Variants in GABRQ observed in about 807,000 individuals in gnomAD.
GABRQ encodes the protein gamma-aminobutyric acid type A receptor subunit theta.
Under a neutral mutation model 30.5 loss-of-function variants are expected in GABRQ, and 19 were observed. That is an observed-to-expected ratio of 0.62 (90% CI 0.43 to 0.91). The LOEUF is 0.91. Among genes scored for constraint, GABRQ ranks in the 40% least tolerant of loss-of-function variants. The pLI is 0.00. For synonymous variants in GABRQ, 187 were observed against 210.2 expected (o/e 0.89, Z 0.95); for missense variants, 520 against 521.4 (o/e 1.00, Z 0.03).
chrX:152,646,340 C>T (rs1197271364), intron 3 of GABRQ, among the ~76,000 whole-genome samples: 2 of 112,052 alleles, frequency 1.8e-5, no homozygotes, highest in South Asian at 3.7e-4. Context: ...GCTTGGCTTT[C>T]GGCAGGGATA....
intron 3 of GABRQ, among the ~76,000 whole-genome samples, chrX:152,645,809 A>G (rs1556819129): frequency 1.8e-5 from 2 of 112,666 alleles, no homozygotes; most frequent in Non-Finnish European, 3.7e-5. Flanking sequence ...TGGATTATAG[A>G]CTTAAAAGTG....
chrX:152,651,885 C>T (rs1358976187), intron 8 of GABRQ, 103 bp downstream of exon 8: 8 of 742,959 alleles, frequency 1.1e-5, no homozygotes, highest in Non-Finnish European at 1.4e-5. Flanking sequence ...AATACGCGCA[C>T]CCACACATGC....
intron 2 of GABRQ, among the ~76,000 whole-genome samples, chrX:152,644,820 A>T (rs1413057433): frequency 8.9e-6 from 1 of 112,118 alleles, no homozygotes; most frequent in Non-Finnish European, 1.9e-5. Context: ...TCATATGTAT[A>T]TATGTTCACA....
At chrX:152,638,409 A>G in intron 1 of GABRQ, 58 bp downstream of exon 1, 1 of 1,109,315 alleles carries the variant, frequency 9.0e-7, no homozygotes, top group Non-Finnish European at 1.2e-6. Context: ...CGGGCAGACG[A>G]CCTCTGGCCT....
chrX:152,648,603 C>T (rs782638766), intron 4 of GABRQ, among the ~76,000 whole-genome samples: 55 of 110,669 alleles, frequency 5.0e-4, no homozygotes, highest in Non-Finnish European at 7.8e-4. Flanking sequence ...TGACCTGATC[C>T]GCCTGCCTCG....
Position 152,647,085 on chromosome X carries a change from C to G in GABRQ, c.444C>G (p.Ser148Arg), listed in dbSNP as rs1930907145. 5 of 1,210,276 alleles carry G rather than the reference C, an allele frequency of 4.1e-6. No homozygotes were observed. In the East Asian group the frequency reaches 1.5e-4, roughly 36 times the overall value. ...TCCCTGACTGCTACTTTCTGAACAG[C>G]AAGGATGCTTTCGTGCATGATGTGA... ...LWVPDCYFLNSKDAFVHDVTV... is the reference protein window; with the variant it reads ...LWVPDCYFLNRKDAFVHDVTV... The change falls in exon 4 of 9, where the codon AGC (serine) becomes AGG (arginine). Residue 148 changes from serine (S) to arginine (R), a missense_variant. Transcript: ENST00000598523.
intron 8 of GABRQ, among the ~76,000 whole-genome samples, chrX:152,652,138 C>A (rs1931038040): frequency 8.9e-6 from 1 of 112,706 alleles, no homozygotes; most frequent in East Asian, 2.8e-4. Context: ...GCTGGCCTAC[C>A]TACCCCTCCT....
In GABRQ at chrX:152,637,898, C is replaced by G; in HGVS notation, c.-305C>G. The stretch of plus-strand genomic sequence containing the variant: ...CAGCGAGCTGGGATCTGTGCCCAGT[C>G]GCAGCCAGGAGCGGCCGCAGACGGA... On this transcript the variant is annotated 5_prime_UTR_variant, in exon 1 of 9. Coordinates refer to ENST00000598523, the MANE Select transcript of GABRQ (RefSeq NM_018558.4). 8.8e-6 allele frequency among the ~76,000 whole-genome samples: 1 copy of G among 113,337 alleles called. No individual in the cohort carries two copies. Among genetic ancestry groups the G allele is most frequent in the East Asian group, 2.8e-4 (1 of 3,553 alleles).
chrX:152,644,618 G>A (rs782409549), intron 2 of GABRQ, among the ~76,000 whole-genome samples: 10 of 111,763 alleles, frequency 8.9e-5, no homozygotes, highest in East Asian at 2.8e-4. Context: ...ATGAACATGC[G>A]CAGGTGTTCA....
At position 152,652,903 on chromosome X, in the gene GABRQ, T is replaced by C; in HGVS notation, c.1521T>C (p.Asp507=). Residue 507 remains aspartate (D), a synonymous_variant, in exon 9 of 9, where the codon GAT becomes GAC. Coordinates refer to ENST00000598523, the MANE Select transcript of GABRQ (RefSeq NM_018558.4). ...ATTCCAATGAGAGCTTGAGCTCGGA[T>C]GAGCGCCATGGCCATGGCCCCAGTG... The part of the protein sequence containing the change: ...HEDSNESLSS[D]ERHGHGPSGK... 1.7e-6 allele frequency: 2 copies of C among 1,211,788 alleles called. No homozygotes were observed. The highest frequency in any genetic ancestry group is 2.2e-6 in the Non-Finnish European group (2 of 895,201).
At position 152,638,112 on chromosome X, in the gene GABRQ, G is replaced by A; in HGVS notation, c.-91G>A. ...AAGGGCCAGCAATCCCGCCTTCCCCGGCCCCAGTAGTCACCCACTCTCCCA... is the reference window on the plus strand; with the variant it reads ...AAGGGCCAGCAATCCCGCCTTCCCCAGCCCCAGTAGTCACCCACTCTCCCA... On this transcript the variant is annotated 5_prime_UTR_variant, in exon 1 of 9. Coordinates refer to ENST00000598523, the MANE Select transcript of GABRQ (RefSeq NM_018558.4). The A allele has an allele frequency of 1.4e-6, 1 of 738,370 alleles. No individual in the cohort carries two copies. Among genetic ancestry groups the A allele is most frequent in the Non-Finnish European group, 1.9e-6 (1 of 515,520 alleles). 60.8% of individuals were successfully genotyped at this position (738,370 alleles called of 1,213,427 possible). A position where few individuals can be genotyped will look rare whatever the true frequency, so the allele number is the denominator to read the frequency against.
downstream of GABRQ, among the ~76,000 whole-genome samples, chrX:152,658,770 G>A (rs1931195161): frequency 8.9e-6 from 1 of 111,893 alleles, no homozygotes; most frequent in African/African-American, 3.3e-5. Context: ...TGCTACTGTT[G>A]GTCTGCCTCT....
Position 152,640,273 on chromosome X carries a change from G to A in GABRQ, c.150-105G>A, listed in dbSNP as rs906114165. The stretch of plus-strand genomic sequence containing the variant: ...AGAGAGAGTGTGTACACGTATGACT[G>A]GACATGTCTGCGTATGTGCTGGAGA... On this transcript the variant is annotated intron_variant, in intron 1 of 8. Transcript: ENST00000598523. 1.1e-5 allele frequency: 6 copies of A among 557,440 alleles called. No homozygotes were observed. In the East Asian group the frequency reaches 1.3e-4, roughly 12 times the overall value. The allele number at this position is 557,440 out of a possible 1,213,427, so 45.9% of individuals were successfully genotyped here.
At chrX:152,643,969 A>G (rs1930820127) in intron 2 of GABRQ, among the ~76,000 whole-genome samples, 1 of 112,033 alleles carries the variant, frequency 8.9e-6, no homozygotes, top group African/African-American at 3.2e-5. Context: ...ACACATGCAC[A>G]TTCACTCACA....
chrX:152,638,746 G>A (rs1026514288), intron 1 of GABRQ, among the ~76,000 whole-genome samples: 3 of 111,826 alleles, frequency 2.7e-5, no homozygotes, highest in African/African-American at 9.8e-5. Context: ...AGGATGACGG[G>A]CAATTCACAA....
intron 8 of GABRQ, 53 bp from the exon 9 acceptor site, chrX:152,652,488 A>G (rs1931046549): frequency 9.5e-7 from 1 of 1,048,186 alleles, no homozygotes; most frequent in Non-Finnish European, 1.3e-6. Context: ...CCCCCAGTGC[A>G]TATCCATCTA....
In GABRQ at chrX:152,637,985, G is replaced by A. The variant is rs912797935; in HGVS notation, c.-218G>A. ...GCTGCGTCCAGCAGAGCTGCTGGGT[G>A]GTTGCTCCTCCCGGGCTCTCATCTC... is the stretch of plus-strand genomic sequence containing the variant. On this transcript the variant is annotated 5_prime_UTR_variant, in exon 1 of 9. Coordinates refer to ENST00000598523, the MANE Select transcript of GABRQ (RefSeq NM_018558.4). 4.9e-4 allele frequency among the ~76,000 whole-genome samples: 55 copies of A among 113,283 alleles called. 1 individual carries two copies. Among genetic ancestry groups the A allele is most frequent in the African/African-American group, 1.7e-3 (52 of 31,305 alleles).
At chrX:152,649,924 C>G (rs1930978869) in intron 6 of GABRQ, 45 bp downstream of exon 6, 1 of 1,076,241 alleles carries the variant, frequency 9.3e-7, no homozygotes, top group Admixed American at 2.2e-5. Context: ...GTCTGCCTTG[C>G]ACCTCCATAA....
rs139879891 is a variant in GABRQ, at chrX:152,646,998, A to C, written c.357A>C (p.Leu119Phe). 2.5e-6 allele frequency: 3 copies of C among 1,206,463 alleles called. No individual in the cohort carries two copies. The highest frequency in any genetic ancestry group is 2.3e-4 in the Middle Eastern group (1 of 4,351). The change falls in exon 4 of 9, where the codon TTA becomes TTC. Residue 119 changes from leucine to phenylalanine, a missense_variant. Transcript: ENST00000598523. ...FFHQTWKDSR[L>F]AYYETTLNLT... Reference sequence around the variant, plus strand: ...ATCAGACTTGGAAAGATTCACGCTTAGCATACTATGAGACCACCCTGAACT... The same window carrying C: ...ATCAGACTTGGAAAGATTCACGCTTCGCATACTATGAGACCACCCTGAACT...
Sources: allele counts gnomAD v4.1 joint callset (sites outside exome capture counted in the v4.1 genomes callset), GRCh38; gene constraint gnomAD v4.1.1; transcripts MANE v1.5; gene names NCBI Gene and HGNC (gene_info 2026-07-23, HGNC 2026-07-21).